FSTL5: variants seen among roughly 807,000 people sequenced by gnomAD.
FSTL5 encodes the protein follistatin like 5.
In FSTL5, 62 loss-of-function variants were observed where a neutral mutation model predicts 89.1. The ratio of observed to expected loss-of-function variants is 0.70; its 90% CI spans 0.57 to 0.86. The LOEUF (loss-of-function observed/expected upper bound fraction) is 0.86. Among genes scored for constraint, FSTL5 ranks in the 40% least tolerant of loss-of-function variants. The pLI, the probability that FSTL5 is intolerant of heterozygous loss-of-function variation, is 0.00. For synonymous variants in FSTL5, 383 were observed against 346.2 expected (o/e 1.11, Z -1.18); for missense variants, 1,057 against 1,001.6 (o/e 1.06, Z -0.75).
chr4:161,813,054 T>C (rs1278120186), intron 4 of FSTL5, among the ~76,000 whole-genome samples: 2 of 148,030 alleles, frequency 1.4e-5, no homozygotes, highest in Non-Finnish European at 3.0e-5. Flanking sequence ...TGAGGCAGAG[T>C]CTCGCGCTGT....
At chr4:161,715,529 T>C (rs1468159955) in intron 6 of FSTL5, among the ~76,000 whole-genome samples, 3 of 152,148 alleles carry the variant, frequency 2.0e-5, no homozygotes. Flanking sequence ...CATCTGAGAA[T>C]AAGCATGTGA....
chr4:161,590,975 G>A (rs1051902086), intron 7 of FSTL5, among the ~76,000 whole-genome samples: 3 of 152,130 alleles, frequency 2.0e-5, no homozygotes, highest in Admixed American at 6.6e-5. Context: ...GTATGCAAAT[G>A]TGCATAGCTA....
At chr4:161,893,852 T>C (rs897565241) in intron 4 of FSTL5, among the ~76,000 whole-genome samples, 1 of 152,214 alleles carries the variant, frequency 6.6e-6, no homozygotes, top group African/African-American at 2.4e-5. Flanking sequence ...CTTTTTCTTT[T>C]CTTTCCCTAA....
intron 2 of FSTL5, among the ~76,000 whole-genome samples, chr4:162,089,590 G>GC (rs1466661616): frequency 6.2e-5 from 8 of 128,530 alleles, no homozygotes; most frequent in African/African-American, 2.5e-4. Context: ...CCGAGATTAA[G>GC]CCACTGAACT....
At chr4:162,107,995 T>G (rs556747004) in intron 2 of FSTL5, among the ~76,000 whole-genome samples, 2 of 152,158 alleles carry the variant, frequency 1.3e-5, no homozygotes, top group Non-Finnish European at 2.9e-5. Context: ...GATATGAGTA[T>G]GCAATATTTA....
chr4:161,848,570 T>C (rs888950935), intron 4 of FSTL5, among the ~76,000 whole-genome samples: 1 of 152,340 alleles, frequency 6.6e-6, no homozygotes, highest in East Asian at 1.9e-4. Flanking sequence ...TTGCATATTA[T>C]ATGTAGCATT....
chr4:161,572,817 TAGG>T (rs1733066619), intron 8 of FSTL5, among the ~76,000 whole-genome samples: 1 of 152,068 alleles, frequency 6.6e-6, no homozygotes, highest in East Asian at 1.9e-4. Context: ...AATCAGACTG[TAGG>T]AGAAGTGAGA....
chr4:162,011,136 C>T (rs964743370), intron 3 of FSTL5, among the ~76,000 whole-genome samples: 5 of 151,974 alleles, frequency 3.3e-5, no homozygotes, highest in Admixed American at 6.6e-5. Flanking sequence ...TACATGGCAG[C>T]GAAACTAGAG....
chr4:162,041,096 TAG>T (rs967019343), intron 2 of FSTL5, among the ~76,000 whole-genome samples: 9 of 150,674 alleles, frequency 6.0e-5, no homozygotes, highest in African/African-American at 2.2e-4. Context: ...GTATCAAATC[TAG>T]ATAGTACAGT....
At chr4:161,747,692 G>A (rs946109470) in intron 6 of FSTL5, among the ~76,000 whole-genome samples, 1 of 152,088 alleles carries the variant, frequency 6.6e-6, no homozygotes, top group African/African-American at 2.4e-5. Context: ...TTCCTTCCTT[G>A]TTATAGCAAC....
Position 161,692,341 on chromosome 4 carries a change from CGT to C in FSTL5, c.728-35849_728-35848del, listed in dbSNP as rs70937677. On this transcript the variant is annotated intron_variant, in intron 6 of 15. Transcript: ENST00000306100. ...TCCACGTCTACTGAGATATGGAGAT[CGT>C]GTGTGTGTGTGTGTGTGTGTGTGTA... Among the ~76,000 whole-genome samples, 1,172 of 148,830 alleles carry C rather than the reference CGT, an allele frequency of 7.9e-3. 13 individuals carry two copies. Among genetic ancestry groups the C allele is most frequent in the South Asian group, 0.049 (229 of 4,680 alleles).
intron 3 of FSTL5, among the ~76,000 whole-genome samples, chr4:161,921,535 A>G (rs1733995954): frequency 6.6e-6 from 1 of 152,192 alleles, no homozygotes; most frequent in East Asian, 1.9e-4. Flanking sequence ...ACACATGTAT[A>G]CACACATACA....
intron 10 of FSTL5, among the ~76,000 whole-genome samples, chr4:161,530,044 A>C (rs919602929): frequency 1.4e-5 from 2 of 142,256 alleles, no homozygotes; most frequent in African/African-American, 5.1e-5. Context: ...CATTAAATCT[A>C]TGCAACCTGC....
At chr4:161,964,707 T>A (rs539444667) in intron 3 of FSTL5, among the ~76,000 whole-genome samples, 1 of 152,192 alleles carries the variant, frequency 6.6e-6, no homozygotes, top group African/African-American at 2.4e-5. Flanking sequence ...TCATTCTTAG[T>A]CTATAAATAT....
chr4:161,522,321 T>G (rs1241309365), intron 10 of FSTL5, among the ~76,000 whole-genome samples: 1 of 152,184 alleles, frequency 6.6e-6, no homozygotes, highest in Non-Finnish European at 1.5e-5. Flanking sequence ...ACGTAGGCAC[T>G]GAAATGTGAG....
At chr4:161,671,441 C>G (rs949183677) in intron 6 of FSTL5, among the ~76,000 whole-genome samples, 2 of 152,152 alleles carry the variant, frequency 1.3e-5, no homozygotes, top group Non-Finnish European at 2.9e-5. Context: ...GAGCAGTTGC[C>G]GCTAAGACCT....
chr4:161,449,210 C>G (rs1452730741), intron 15 of FSTL5, among the ~76,000 whole-genome samples: 1 of 152,108 alleles, frequency 6.6e-6, no homozygotes, highest in Non-Finnish European at 1.5e-5. Context: ...CTTGCATGCA[C>G]ACATACACAC....
intron 10 of FSTL5, among the ~76,000 whole-genome samples, chr4:161,513,272 G>GGAGGGAGAGAGAGAGAGAGA (rs1730708094): frequency 9.1e-6 from 1 of 109,978 alleles, no homozygotes; most frequent in Admixed American, 1.1e-4. Context: ...ACAAGGAGGG[G>GGAGGGAGAGAGAGAGAGAGA]GAGAGAGAGA....
chr4:162,159,372 A>T (rs992083157), intron 1 of FSTL5, among the ~76,000 whole-genome samples: 7 of 152,036 alleles, frequency 4.6e-5, no homozygotes, highest in Non-Finnish European at 8.8e-5. Context: ...AGTATTTTTA[A>T]ATCTTTTGCT....
Sources: gnomAD v4.1 joint callset for allele counts (sites outside exome capture counted in the v4.1 genomes callset) on GRCh38, gnomAD v4.1.1 for gene constraint, MANE v1.5 for transcripts, NCBI Gene and HGNC (gene_info 2026-07-23, HGNC 2026-07-21) for gene names.